THBS2: variants seen among roughly 807,000 people sequenced by gnomAD.
THBS2 encodes thrombospondin 2.
A neutral mutation model predicts 135.2 loss-of-function variants in THBS2; 47 were observed. That is an observed-to-expected ratio of 0.35 (90% CI 0.28 to 0.44). The LOEUF (loss-of-function observed/expected upper bound fraction) is 0.44, where lower values mean the gene tolerates loss of function less well. Ranked by LOEUF, THBS2 falls within the 20% of genes least tolerant of loss-of-function variation. THBS2 has a pLI of 1.00. For missense variants in THBS2, 1,288 were observed against 1,603.1 expected, an observed-to-expected ratio of 0.80 and a Z score of 3.36; for synonymous variants, 639 against 633.8, an observed-to-expected ratio of 1.01 and a Z score of -0.12.
Position 169,229,686 on chromosome 6 carries a change from T to C in THBS2, c.2152-7A>G, listed in dbSNP as rs543969092. On this transcript the variant is annotated splice_region_variant and splice_polypyrimidine_tract_variant and intron_variant, in intron 13 of 21. Transcript: ENST00000617924. ...GCAGATGGGGGCAGTTATCCTGCAA[T>C]TGGAGAAGGAAGAATACTTGGAAAA... is the stretch of plus-strand genomic sequence containing the variant. The C allele has an allele frequency of 4.3e-6, 7 of 1,609,368 alleles. No homozygotes were observed. The highest frequency in any genetic ancestry group is 1.1e-5 in the South Asian group (1 of 90,918).
chr6:169,220,358 GAAGA>G, intron 20 of THBS2, 21 bp from the exon 21 acceptor site: 1 of 1,031,438 alleles, frequency 9.7e-7, no homozygotes, highest in Non-Finnish European at 1.3e-6. Flanking sequence ...TGTTTAAAAA[GAAGA>G]AGAGGAAAGA....
At chr6:169,238,076 T>TGTGTGTC (rs1344284413) in intron 7 of THBS2, among the ~76,000 whole-genome samples, 1 of 152,204 alleles carries the variant, frequency 6.6e-6, no homozygotes, top group Non-Finnish European at 1.5e-5. Context: ...GCTAAATCCA[T>TGTGTGTC]GTGTGTCCAG....
chr6:169,237,593 A>G (rs758143512), intron 8 of THBS2, 32 bp downstream of exon 8: 1 of 1,609,662 alleles, frequency 6.2e-7, no homozygotes, highest in South Asian at 1.1e-5. Flanking sequence ...CCACCCCCAC[A>G]GGCACGCGGG....
rs1174010794 is a variant in THBS2, at chr6:169,227,596, GC to G, written c.2419+525del. Reference sequence around the variant, plus strand: ...GAGAGAGGAGGATACCAAATGCATAGCTTTCTCTAGGGCGGTCCTGTGGCTG... The same window carrying G: ...GAGAGAGGAGGATACCAAATGCATAGTTTCTCTAGGGCGGTCCTGTGGCTG... On this transcript the variant is annotated intron_variant, in intron 15 of 21. Coordinates refer to ENST00000617924, the MANE Select transcript of THBS2 (RefSeq NM_003247.5). Among the ~76,000 whole-genome samples the G allele has an allele frequency of 2.0e-5, 3 of 152,220 alleles. No homozygotes were observed. In the East Asian group the frequency reaches 5.8e-4, roughly 29 times the overall value.
intron 3 of THBS2, 57 bp downstream of exon 3, chr6:169,248,359 TC>T: frequency 6.5e-7 from 1 of 1,531,248 alleles, no homozygotes; most frequent in South Asian, 1.2e-5. Context: ...CATTAGCAGA[TC>T]AGTTCCCAGC....
chr6:169,237,716 C>T lies in THBS2; in HGVS notation c.1209G>A (p.Gln403=), dbSNP rs1420932765. Residue 403 remains glutamine, a synonymous_variant, in exon 8 of 22, where the codon CAG becomes CAA. Coordinates refer to ENST00000617924, the MANE Select transcript of THBS2 (RefSeq NM_003247.5). ...CSVTCGSGTQ[Q]RGRSCDVTSN... ...TGGTGACGTCACAGGACCGGCCTCT[C>T]TGCTGGGTCCCAGAGCCACACGTCA... 8 of 1,612,822 alleles carry T rather than the reference C, an allele frequency of 5.0e-6. No homozygotes were observed. In the South Asian group the frequency reaches 7.7e-5, roughly 15 times the overall value.
intron 7 of THBS2, among the ~76,000 whole-genome samples, chr6:169,238,380 G>A (rs1406840044): frequency 6.6e-6 from 1 of 152,274 alleles, no homozygotes; most frequent in South Asian, 2.1e-4. Flanking sequence ...AATCATTCCC[G>A]TGAGGAGAGA....
Position 169,241,851 on chromosome 6 carries a change from G to A in THBS2, c.802C>T (p.Arg268Cys), listed in dbSNP as rs765120273. The change falls in exon 5 of 22, where the codon CGC becomes TGC. Residue 268 changes from arginine (R) to cysteine (C), a missense_variant. Around this residue, in one of 2 missense-constraint regions of THBS2, gnomAD observed 414 missense variants for 447.0 expected, o/e 0.93. Transcript: ENST00000617924. This position sits in a 1 kb window ranked among gnomAD's most constrained non-coding sequence, Gnocchi z 5.5. ...ATGTTTCCCAGCTCCTCGCACGAGC[G>A]TTCGCACACCTCGGGCCTCCTCTCC... The part of the protein sequence containing the change: ...SSERRPEVCE[R>C]SCEELGNMVQ... 1.8e-5 allele frequency: 29 copies of A among 1,612,636 alleles called. No homozygotes were observed. The highest frequency in any genetic ancestry group is 2.3e-5 in the Non-Finnish European group (27 of 1,179,962).
intron 21 of THBS2, among the ~76,000 whole-genome samples, chr6:169,218,697 GAT>G (rs1332494905): frequency 6.9e-6 from 1 of 145,162 alleles, no homozygotes; most frequent in African/African-American, 2.5e-5. Context: ...GGATGGGATG[GAT>G]GGATGGATGA....
intron 3 of THBS2, among the ~76,000 whole-genome samples, chr6:169,247,221 G>A (rs898890327): frequency 1.6e-4 from 25 of 152,276 alleles, no homozygotes; most frequent in African/African-American, 4.8e-4. Context: ...CTGATTAATC[G>A]TGGTTTAGAA....
intron 4 of THBS2, among the ~76,000 whole-genome samples, chr6:169,244,912 C>T (rs1203390663): frequency 6.6e-6 from 1 of 152,202 alleles, no homozygotes; most frequent in African/African-American, 2.4e-5. Flanking sequence ...TGTTCTCCTT[C>T]CTCACAGGAC....
chr6:169,237,616 G>A lies in THBS2; in HGVS notation c.1300+9C>T, dbSNP rs531766069. 6.6e-5 allele frequency: 107 copies of A among 1,611,744 alleles called. 1 individual carries two copies. The highest frequency in any genetic ancestry group is 1.5e-4 in the South Asian group (14 of 91,060). On this transcript the variant is annotated intron_variant, in intron 8 of 21. Coordinates refer to ENST00000617924, the MANE Select transcript of THBS2 (RefSeq NM_003247.5). ...ACAGGCACGCGGGTGTCACCTGCCC[G>A]ACACTCACTGCGGGTGTCACACTTG... is the stretch of plus-strand genomic sequence containing the variant.
At position 169,246,217 on chromosome 6, in the gene THBS2, C is replaced by A. The variant is rs1455567985; in HGVS notation, c.674G>T (p.Gly225Val). 1.9e-6 allele frequency: 3 copies of A among 1,613,838 alleles called. No individual in the cohort carries two copies. Among genetic ancestry groups the A allele is most frequent in the Non-Finnish European group, 2.5e-6 (3 of 1,180,004 alleles). Residue 225 changes from glycine (G) to valine (V), a missense_variant, in exon 4 of 22, where the codon GGT becomes GTT. This residue lies in a region of THBS2 where 414 missense variants were observed against 447.0 expected (regional missense o/e 0.93). Coordinates refer to ENST00000617924, the MANE Select transcript of THBS2 (RefSeq NM_003247.5). The part of the protein sequence containing the change: ...NSVEDILSKK[G>V]CQQGQGAEIN... Reference sequence around the variant, plus strand: ...CCTACCTCCCTGGCCTTGCTGGCAACCCTTCTTGCTTAGAATATCTTCCAC... The same window carrying A: ...CCTACCTCCCTGGCCTTGCTGGCAAACCTTCTTGCTTAGAATATCTTCCAC...
At chr6:169,237,559 C>A in intron 8 of THBS2, 66 bp downstream of exon 8, 2 of 1,601,138 alleles carry the variant, frequency 1.2e-6, no homozygotes, top group Non-Finnish European at 1.7e-6. Context: ...TGCAAAGGTC[C>A]CGATGACTGA....
Position 169,237,733 on chromosome 6 carries a change from C to G in THBS2, c.1192G>C (p.Gly398Arg), listed in dbSNP as rs1004370189. 2 of 1,612,584 alleles carry G rather than the reference C, an allele frequency of 1.2e-6. No homozygotes were observed. Among genetic ancestry groups the G allele is most frequent in the East Asian group, 2.2e-5 (1 of 44,874 alleles). The stretch of plus-strand genomic sequence containing the variant: ...CGGCCTCTCTGCTGGGTCCCAGAGC[C>G]ACACGTCACGGAGCACTGGGTCCAC... ...AEWTQCSVTC[G>R]SGTQQRGRSC... is the part of the protein sequence containing the mutation. The change falls in exon 8 of 22, where the codon GGC (glycine) becomes CGC (arginine). Residue 398 changes from glycine to arginine, a missense_variant. By Grantham distance (125) the Gly-to-Arg change is moderately radical. Coordinates refer to ENST00000617924, the MANE Select transcript of THBS2 (RefSeq NM_003247.5).
At chr6:169,243,890 A>G (rs1399722723) in intron 4 of THBS2, among the ~76,000 whole-genome samples, 1 of 152,176 alleles carries the variant, frequency 6.6e-6, no homozygotes, top group Non-Finnish European at 1.5e-5. Context: ...GGTTACTCTC[A>G]CTTTTAACAA....
At chr6:169,232,262 G>C in intron 12 of THBS2, 64 bp from the exon 13 acceptor site, 3 of 1,569,488 alleles carry the variant, frequency 1.9e-6, no homozygotes, top group Non-Finnish European at 2.6e-6. Context: ...GCGTCGAGGC[G>C]GGGCGTCGGG....
intron 2 of THBS2, among the ~76,000 whole-genome samples, chr6:169,249,515 C>T (rs977867780): frequency 3.9e-5 from 6 of 152,180 alleles, no homozygotes; most frequent in Non-Finnish European, 7.4e-5. Flanking sequence ...TGTCAGAAAG[C>T]GGCTAAATCG....
intron 4 of THBS2, among the ~76,000 whole-genome samples, chr6:169,242,949 T>C (rs1583418870): frequency 9.2e-6 from 1 of 108,148 alleles, no homozygotes; most frequent in Non-Finnish European, 1.9e-5. Context: ...CCTTCCCACC[T>C]TCCCACCTTC....
Sources: allele counts gnomAD v4.1 joint callset (sites outside exome capture counted in the v4.1 genomes callset), GRCh38; gene constraint gnomAD v4.1.1; regional missense constraint gnomAD v4.1.1; non-coding constraint Gnocchi (gnomAD v3.1); transcripts MANE v1.5; gene names NCBI Gene and HGNC (gene_info 2026-07-23, HGNC 2026-07-21).